Variants in STRIP1 observed in about 807,000 individuals in gnomAD.
STRIP1 encodes striatin-interacting protein 1.
A neutral mutation model predicts 106.2 loss-of-function variants in STRIP1; 63 were observed. That is an observed-to-expected ratio of 0.59 (90% CI 0.48 to 0.73). The LOEUF is 0.73. Ranked by LOEUF, STRIP1 falls within the 30% of genes least tolerant of loss-of-function variation. The pLI is 0.00. For missense variants in STRIP1, 857 were observed against 1,074.8 expected, an observed-to-expected ratio of 0.80 and a Z score of 2.83; for synonymous variants, 390 against 413.0, an observed-to-expected ratio of 0.94 and a Z score of 0.67.
At position 110,047,786 on chromosome 1, in the gene STRIP1, G is replaced by C; in HGVS notation, c.1578G>C (p.Lys526Asn). ...ACTCTTCCCAGATTGCCCTCCTGAA[G>C]ATCCTGTTGGCTGCAGCACCCACCT... ...SLPQYMIALL[K>N]ILLAAAPTSK... Residue 526 changes from lysine (K) to asparagine (N), a missense_variant, in exon 15 of 21, where the codon AAG becomes AAC. This residue lies in a region of STRIP1 where 750 missense variants were observed against 989.8 expected (regional missense o/e 0.76). Transcript: ENST00000369795. The C allele has an allele frequency of 6.4e-7, 1 of 1,569,458 alleles. No homozygotes were observed. Among genetic ancestry groups the C allele is most frequent in the South Asian group, 1.2e-5 (1 of 85,518 alleles).
At chr1:110,039,553 C>A in intron 5 of STRIP1, 38 bp downstream of exon 5, 1 of 1,573,026 alleles carries the variant, frequency 6.4e-7, no homozygotes, top group Non-Finnish European at 8.6e-7. Context: ...GAAGGGGAGG[C>A]TGGGATGGGA....
Position 110,051,842 on chromosome 1 carries a change from C to T in STRIP1, c.2221C>T (p.Gln741Ter). The T allele has an allele frequency of 6.2e-7, 1 of 1,613,316 alleles. No individual in the cohort carries two copies. The highest frequency in any genetic ancestry group is 8.5e-7 in the Non-Finnish European group (1 of 1,180,010). The change falls in exon 20 of 21, where the codon CAG becomes TAG. Residue 741 changes from glutamine (Q) to a stop codon, truncating the protein, a stop_gained. Coordinates refer to ENST00000369795, the MANE Select transcript of STRIP1 (RefSeq NM_033088.4). LOFTEE classifies it high-confidence loss of function. ...CATGAAGACCATGTCTGCCATCTAC[C>T]AGAAGGTGCGGCATCGGCTGAACGA... ...SNMKTMSAIY[Q>*]KVRHRLNDDW...
intron 8 of STRIP1, among the ~76,000 whole-genome samples, chr1:110,042,376 A>G (rs1652805806): frequency 6.6e-6 from 1 of 152,226 alleles, no homozygotes; most frequent in African/African-American, 2.4e-5. Context: ...CAGCCAGGCC[A>G]TGCCAGGAGG....
rs753224708 is a variant in STRIP1, at chr1:110,037,898, C to T, written c.188C>T (p.Ser63Leu). 6.3e-5 allele frequency: 101 copies of T among 1,609,050 alleles called. No individual in the cohort carries two copies. Among genetic ancestry groups the T allele is most frequent in the Non-Finnish European group, 7.7e-5 (91 of 1,176,066 alleles). Residue 63 changes from serine (S) to leucine (L), a missense_variant, in exon 2 of 21, where the codon TCG (serine) becomes TTG (leucine). This residue lies in a region of STRIP1 where 750 missense variants were observed against 989.8 expected (regional missense o/e 0.76). Coordinates refer to ENST00000369795, the MANE Select transcript of STRIP1 (RefSeq NM_033088.4). The stretch of plus-strand genomic sequence containing the variant: ...CTCTCCTCTTGTCAGCAGGGCTATT[C>T]GGAGTCACCAGACCTGGAGTTTGAG... ...RNQRKDSEGY[S>L]ESPDLEFEYA...
intron 8 of STRIP1, 135 bp from the exon 9 acceptor site, chr1:110,042,953 A>G (rs555973536): frequency 2.8e-5 from 22 of 776,614 alleles, no homozygotes; most frequent in Non-Finnish European, 4.4e-5. Context: ...GCTTCAGTCC[A>G]TTGTTCAGGA....
At chr1:110,051,399 C>CT (rs1486517925) in intron 19 of STRIP1, among the ~76,000 whole-genome samples, 3 of 152,200 alleles carry the variant, frequency 2.0e-5, no homozygotes, top group Non-Finnish European at 2.9e-5. Context: ...CCTCTGATAA[C>CT]TGTGTGTACA....
At chr1:110,048,591 A>G (rs1012103995) in intron 15 of STRIP1, among the ~76,000 whole-genome samples, 4 of 152,254 alleles carry the variant, frequency 2.6e-5, no homozygotes, top group Admixed American at 6.5e-5. Flanking sequence ...GTCCTTGGAA[A>G]AAAGGTTCTA....
At position 110,054,449 on chromosome 1, in the gene STRIP1, G is replaced by GC. The variant is rs1204118440; in HGVS notation, c.*538dup. On this transcript the variant is annotated 3_prime_UTR_variant, in exon 21 of 21. Coordinates refer to ENST00000369795, the MANE Select transcript of STRIP1 (RefSeq NM_033088.4). ...AGAAGTAATTGCGGAGGCTCCTTCA[G>GC]CTGCCTCAGCACTTTGATTTTGGAC... 1.9e-5 allele frequency: 3 copies of GC among 154,110 alleles called. No individual in the cohort carries two copies. The highest frequency in any genetic ancestry group is 7.2e-5 in the African/African-American group (3 of 41,436). 9.5% of individuals were successfully genotyped at this position (154,110 alleles called of 1,614,324 possible).
rs1018452297 is a variant in STRIP1 at position 110,051,881 on chromosome 1, G to A, written c.2260G>A (p.Gly754Ser). ...TCGGCTGAACGACGACTGGGCATAC[G>A]GCAATGGTGAGACTCTGCACTCAGC... is the stretch of plus-strand genomic sequence containing the variant. ...RHRLNDDWAY[G>S]NDLDARPWDF... Residue 754 changes from glycine to serine, a missense_variant, in exon 20 of 21, where the codon GGC becomes AGC. Gly to Ser is a moderately conservative substitution (Grantham distance 56, BLOSUM62 0). Transcript: ENST00000369795. 31 of 1,611,988 alleles carry A rather than the reference G, an allele frequency of 1.9e-5. No individual in the cohort carries two copies. Among genetic ancestry groups the A allele is most frequent in the Non-Finnish European group, 2.5e-5 (30 of 1,179,866 alleles).
chr1:110,037,780 A>C (rs147716179), intron 1 of STRIP1, 111 bp from the exon 2 acceptor site: 2 of 723,832 alleles, frequency 2.8e-6, no homozygotes, highest in East Asian at 5.4e-5. Flanking sequence ...GTGAAAAAAC[A>C]TAAAAAAGTG....
At chr1:110,034,421 A>T (rs1392669733), upstream of STRIP1, among the ~76,000 whole-genome samples, 2 of 152,206 alleles carry the variant, frequency 1.3e-5, no homozygotes, top group Non-Finnish European at 2.9e-5. Flanking sequence ...ATAAAATTAC[A>T]TCTAAACTGA....
chr1:110,037,898 C>G lies in STRIP1; in HGVS notation c.188C>G (p.Ser63Trp). 1 of 1,609,166 alleles carries G rather than the reference C, an allele frequency of 6.2e-7. No individual in the cohort carries two copies. Among genetic ancestry groups the G allele is most frequent in the Non-Finnish European group, 8.5e-7 (1 of 1,176,058 alleles). The change falls in exon 2 of 21, where the codon TCG becomes TGG. Residue 63 changes from serine (S) to tryptophan (W), a missense_variant. Ser to Trp is a radical substitution (Grantham distance 177, BLOSUM62 -3). This residue lies in a region of STRIP1 where 750 missense variants were observed against 989.8 expected (regional missense o/e 0.76). Transcript: ENST00000369795. ...CTCTCCTCTTGTCAGCAGGGCTATT[C>G]GGAGTCACCAGACCTGGAGTTTGAG... Reference protein sequence around the residue: ...RNQRKDSEGYSESPDLEFEYA... With the variant: ...RNQRKDSEGYWESPDLEFEYA...
chr1:110,050,570 A>C (rs1452321119), intron 18 of STRIP1, among the ~76,000 whole-genome samples, 161 bp downstream of exon 18: 2 of 152,192 alleles, frequency 1.3e-5, no homozygotes, highest in Non-Finnish European at 2.9e-5. Flanking sequence ...AAGGGCCAGG[A>C]GGAGGGCTCT....
Position 110,053,934 on chromosome 1 carries a change from A to C in STRIP1, c.*22A>C. ...GTGAGGCTGTTGGTTAGGGGACTGA[A>C]ATGGAGAGAAAAGATGATCTGAAGG... On this transcript the variant is annotated 3_prime_UTR_variant, in exon 21 of 21. Coordinates refer to ENST00000369795, the MANE Select transcript of STRIP1 (RefSeq NM_033088.4). 2 of 1,612,828 alleles carry C rather than the reference A, an allele frequency of 1.2e-6. No homozygotes were observed. The highest frequency in any genetic ancestry group is 3.3e-5 in the Admixed American group (2 of 59,976).
rs1050250044 is a variant in STRIP1, at chr1:110,043,566, G to C, written c.1069-73G>C. The C allele has an allele frequency of 1.1e-5, 15 of 1,337,090 alleles. No individual in the cohort carries two copies. The African/African-American group carries it at 2.2e-4, about 19-fold the overall frequency. 82.8% of individuals were successfully genotyped at this position (1,337,090 alleles called of 1,614,324 possible). Reference sequence around the variant, plus strand: ...TCTACTGGACACCTGTATGTGCTGTGTCTCCTCTGGCTGCACTTCCCTGGT... The same window carrying C: ...TCTACTGGACACCTGTATGTGCTGTCTCTCCTCTGGCTGCACTTCCCTGGT... On this transcript the variant is annotated intron_variant, in intron 9 of 20. Transcript: ENST00000369795.
chr1:110,038,978 A>T, intron 3 of STRIP1, 194 bp from the exon 4 acceptor site: 2 of 778,258 alleles, frequency 2.6e-6, no homozygotes, highest in Non-Finnish European at 4.0e-6. Context: ...TCATGTGATT[A>T]AAATTGCACC....
intron 5 of STRIP1, among the ~76,000 whole-genome samples, chr1:110,040,356 A>AT (rs1557789233): frequency 6.6e-6 from 1 of 152,020 alleles, no homozygotes; most frequent in African/African-American, 2.4e-5. Flanking sequence ...TAATTTTTGT[A>AT]TTTTTAGTAG....
intron 10 of STRIP1, 38 bp downstream of exon 10, chr1:110,043,894 G>A: frequency 6.3e-7 from 1 of 1,588,440 alleles, no homozygotes; most frequent in Middle Eastern, 1.9e-4. Context: ...TAGTTCCTGA[G>A]GCAGAGCCCT....
intron 15 of STRIP1, 141 bp from the exon 16 acceptor site, chr1:110,048,971 C>T: frequency 1.1e-6 from 1 of 934,568 alleles, no homozygotes; most frequent in Non-Finnish European, 1.6e-6. Flanking sequence ...GAGCCCTCGG[C>T]TGACTTCTGA....
Sources: allele counts gnomAD v4.1 joint callset (sites outside exome capture counted in the v4.1 genomes callset), GRCh38; gene constraint gnomAD v4.1.1; regional missense constraint gnomAD v4.1.1; transcripts MANE v1.5; gene names NCBI Gene and HGNC (gene_info 2026-07-23, HGNC 2026-07-21).